Variants in DDX10 observed in about 807,000 individuals in gnomAD.
DDX10 encodes probable ATP-dependent RNA helicase DDX10.
DDX10 carries 74 observed loss-of-function variants against 104.3 expected under a neutral mutation model. The ratio of observed to expected loss-of-function variants is 0.71; its 90% CI spans 0.59 to 0.86. DDX10 has a LOEUF of 0.86. Ranked by LOEUF, DDX10 falls within the 40% of genes least tolerant of loss-of-function variation. DDX10 has a pLI of 0.00. For missense variants in DDX10, 952 were observed against 1,040.0 expected (o/e 0.92, Z 1.16); for synonymous variants, 351 against 353.4 (o/e 0.99, Z 0.08).
At position 108,841,314 on chromosome 11, in the gene DDX10, G is replaced by A. The variant is rs772897401; in HGVS notation, c.2086-1G>A. The A allele has an allele frequency of 3.1e-6, 5 of 1,609,980 alleles. No individual in the cohort carries two copies. The South Asian group carries it at 4.4e-5, about 14-fold the overall frequency. On this transcript the variant is annotated splice_acceptor_variant, in intron 14 of 17. Transcript: ENST00000322536. LOFTEE classifies it high-confidence loss of function. Reference sequence around the variant, plus strand: ...GACACTGACCTTTTTTTTACCTGTAGTTGGTTCAGCAGTGGCCACAAATGC... The same window carrying A: ...GACACTGACCTTTTTTTTACCTGTAATTGGTTCAGCAGTGGCCACAAATGC...
intron 16 of DDX10, among the ~76,000 whole-genome samples, chr11:108,901,833 TAAA>T (rs758181804): frequency 6.6e-6 from 1 of 152,080 alleles, no homozygotes; most frequent in African/African-American, 2.4e-5. Flanking sequence ...TCTAGGGTAT[TAAA>T]AAAAGTCATT....
At chr11:108,791,994 G>T (rs1861878036) in intron 13 of DDX10, among the ~76,000 whole-genome samples, 1 of 152,100 alleles carries the variant, frequency 6.6e-6, no homozygotes, top group South Asian at 2.1e-4. Flanking sequence ...TGGCTACAAA[G>T]GCTTATCTCA....
chr11:108,929,444 CT>C (rs1207250283), intron 17 of DDX10: 1 of 152,214 alleles, frequency 6.6e-6, no homozygotes, highest in Non-Finnish European at 1.5e-5. Context: ...AATATTTACC[CT>C]AATAGCATCA....
At chr11:108,760,027 C>G (rs944306445) in intron 13 of DDX10, among the ~76,000 whole-genome samples, 5 of 151,436 alleles carry the variant, frequency 3.3e-5, no homozygotes, top group Non-Finnish European at 5.9e-5. Flanking sequence ...GAATCTCACA[C>G]TATAAGAGTT....
intron 9 of DDX10, among the ~76,000 whole-genome samples, chr11:108,702,531 G>T (rs910302191): frequency 5.3e-5 from 8 of 152,176 alleles, no homozygotes; most frequent in African/African-American, 1.9e-4. Context: ...GGAGTTGATG[G>T]GTTGGAGAAT....
In DDX10 at chr11:108,706,727, CTTTTTGTTTA is replaced by C; in HGVS notation, c.1224-11_1224-2del. On this transcript the variant is annotated splice_acceptor_variant and splice_polypyrimidine_tract_variant and intron_variant, in intron 9 of 17. Coordinates refer to ENST00000322536, the MANE Select transcript of DDX10 (RefSeq NM_004398.4). LOFTEE classifies it high-confidence loss of function. ...CATTGATGTGTTAAAGATTTTGTTT[CTTTTTGTTTA>C]GGTACAAAGAGGATGGTGAAGCTTT... is the stretch of plus-strand genomic sequence containing the variant. 1 of 1,608,820 alleles carries C rather than the reference CTTTTTGTTTA, an allele frequency of 6.2e-7. No individual in the cohort carries two copies. The highest frequency in any genetic ancestry group is 8.5e-7 in the Non-Finnish European group (1 of 1,175,302).
At chr11:108,916,559 CTG>C (rs1863753581) in intron 16 of DDX10, among the ~76,000 whole-genome samples, 1 of 152,150 alleles carries the variant, frequency 6.6e-6, no homozygotes. Context: ...CTATTCTGAA[CTG>C]TTATTCAATT....
At chr11:108,795,536 C>T (rs942147088) in intron 13 of DDX10, among the ~76,000 whole-genome samples, 45 of 140,610 alleles carry the variant, frequency 3.2e-4, no homozygotes, top group African/African-American at 1.1e-3. Flanking sequence ...GTTGCCCACC[C>T]TGTGTCCAAG....
chr11:108,787,760 G>T (rs1009395354), intron 13 of DDX10, among the ~76,000 whole-genome samples: 2 of 151,916 alleles, frequency 1.3e-5, no homozygotes, highest in Non-Finnish European at 2.9e-5. Context: ...GAGAAACCCC[G>T]TCTCTACTAA....
chr11:108,776,417 G>A (rs970355346), intron 13 of DDX10, among the ~76,000 whole-genome samples: 1 of 151,960 alleles, frequency 6.6e-6, no homozygotes, highest in African/African-American at 2.4e-5. Flanking sequence ...CTGGGCCTGT[G>A]GTGCATGTTC....
At chr11:108,912,286 T>A (rs1863690434) in intron 16 of DDX10, among the ~76,000 whole-genome samples, 1 of 152,144 alleles carries the variant, frequency 6.6e-6, no homozygotes. Flanking sequence ...ACCATCACAT[T>A]GGGATTAGGG....
At chr11:108,780,069 A>G (rs2094376117) in intron 13 of DDX10, among the ~76,000 whole-genome samples, 1 of 152,238 alleles carries the variant, frequency 6.6e-6, no homozygotes, top group Non-Finnish European at 1.5e-5. Context: ...TAAACTATAA[A>G]GTTTTTAGAA....
intron 16 of DDX10, among the ~76,000 whole-genome samples, chr11:108,893,496 A>C (rs1591113846): frequency 6.6e-6 from 1 of 151,964 alleles, no homozygotes; most frequent in East Asian, 1.9e-4. Flanking sequence ...TTAATTTTTA[A>C]ATGTTAACCC....
intron 10 of DDX10, among the ~76,000 whole-genome samples, chr11:108,713,426 TG>T (rs1364642768): frequency 1.3e-5 from 2 of 152,218 alleles, no homozygotes; most frequent in Non-Finnish European, 2.9e-5. Flanking sequence ...TTCCCTCAGC[TG>T]TGTCCAATCT....
At chr11:108,722,313 G>A (rs547526743) in intron 12 of DDX10, among the ~76,000 whole-genome samples, 1 of 152,082 alleles carries the variant, frequency 6.6e-6, no homozygotes, top group East Asian at 1.9e-4. Context: ...ATTTCCCTTC[G>A]ATCATTGAGA....
At chr11:108,796,889 T>C (rs926182765) in intron 13 of DDX10, among the ~76,000 whole-genome samples, 1 of 152,174 alleles carries the variant, frequency 6.6e-6, no homozygotes, top group Non-Finnish European at 1.5e-5. Flanking sequence ...GCTCTCTGTT[T>C]CGTATGTGTG....
intron 10 of DDX10, among the ~76,000 whole-genome samples, chr11:108,708,995 A>G (rs947779762): frequency 5.3e-5 from 8 of 152,120 alleles, no homozygotes; most frequent in Non-Finnish European, 1.0e-4. Context: ...TTCTTTGTCC[A>G]TTCTTTTCGA....
chr11:108,697,207 G>A (rs2094261081), intron 9 of DDX10, among the ~76,000 whole-genome samples: 2 of 148,026 alleles, frequency 1.4e-5, no homozygotes, highest in South Asian at 4.3e-4. Context: ...ATGTGGAAAG[G>A]TTTAGCATAT....
Position 108,813,020 on chromosome 11 carries a change from A to G in DDX10, c.1966-25426A>G, listed in dbSNP as rs553953419. On this transcript the variant is annotated intron_variant, in intron 13 of 17. Coordinates refer to ENST00000322536, the MANE Select transcript of DDX10 (RefSeq NM_004398.4). ...AACAAACATTTACTTTTATGAACAG[A>G]TTTGTACCAAGTTGTTCCTAAATTG... 7.9e-5 allele frequency among the ~76,000 whole-genome samples: 11 copies of G among 138,746 alleles called. No individual in the cohort carries two copies. The South Asian group carries it at 2.6e-3, about 33-fold the overall frequency. 91.0% of individuals were successfully genotyped at this position (138,746 alleles called of 152,430 possible).
Sources: gnomAD v4.1 joint callset for allele counts (sites outside exome capture counted in the v4.1 genomes callset) on GRCh38, gnomAD v4.1.1 for gene constraint, MANE v1.5 for transcripts, NCBI Gene and HGNC (gene_info 2026-07-23, HGNC 2026-07-21) for gene names.